WDR62: variants seen among roughly 807,000 people sequenced by gnomAD.
WDR62 encodes WD repeat-containing protein 62.
A neutral mutation model predicts 160.6 loss-of-function variants in WDR62; 112 were observed. The ratio of observed to expected loss-of-function variants is 0.70; its 90% CI spans 0.60 to 0.82. WDR62 has a LOEUF of 0.82. Ranked by LOEUF, WDR62 falls within the 40% of genes least tolerant of loss-of-function variation. The pLI is 0.00. For missense variants in WDR62, 1,819 were observed against 1,983.8 expected (o/e 0.92, Z 1.58); for synonymous variants, 792 against 815.1 (o/e 0.97, Z 0.48).
intron 11 of WDR62, among the ~76,000 whole-genome samples, chr19:36,084,380 G>T (rs1251094454): frequency 6.6e-6 from 1 of 152,066 alleles, no homozygotes; most frequent in East Asian, 1.9e-4. Flanking sequence ...GTAAACACCT[G>T]CCCCCCTAGA....
chr19:36,083,480 T>C (rs1191759411), intron 11 of WDR62, among the ~76,000 whole-genome samples: 3 of 152,178 alleles, frequency 2.0e-5, no homozygotes, highest in Non-Finnish European at 2.9e-5. Flanking sequence ...ATTTTGCCTA[T>C]AGAGTGTACA....
intron 23 of WDR62, 85 bp downstream of exon 23, chr19:36,100,960 C>G: frequency 6.3e-7 from 1 of 1,599,132 alleles, no homozygotes; most frequent in Non-Finnish European, 8.6e-7. Flanking sequence ...TCTCTGCCTT[C>G]CCAGTGGGCT....
intron 3 of WDR62, among the ~76,000 whole-genome samples, 157 bp from the exon 4 acceptor site, chr19:36,065,801 G>A (rs575493030): frequency 7.2e-5 from 11 of 152,350 alleles, no homozygotes; most frequent in Admixed American, 2.0e-4. Flanking sequence ...GCACACCAGC[G>A]GCACTGGCTC....
In WDR62 at chr19:36,084,713, G is replaced by T. The variant is rs1281481749; in HGVS notation, c.1611G>T (p.Val537=). 2 of 1,613,790 alleles carry T rather than the reference G, an allele frequency of 1.2e-6. No homozygotes were observed. The highest frequency in any genetic ancestry group is 4.5e-5 in the East Asian group (2 of 44,874). ...LVKVEAHDAE[V]LCLEYSKPET... is the part of the protein sequence containing the mutation. ...AGGTGGAGGCCCATGATGCTGAGGT[G>T]CTGTGCCTGGAGTACTCCAAGCCAG... Residue 537 remains valine, a synonymous_variant, in exon 12 of 32, where the codon GTG becomes GTT. Transcript: ENST00000401500.
Position 36,054,912 on chromosome 19 carries a change from C to G in WDR62, c.-60C>G. 1.3e-6 allele frequency: 2 copies of G among 1,539,822 alleles called. No individual in the cohort carries two copies. Among genetic ancestry groups the G allele is most frequent in the Admixed American group, 1.9e-5 (1 of 51,428 alleles). On this transcript the variant is annotated 5_prime_UTR_variant, in exon 1 of 32. Transcript: ENST00000401500. ...GCGGCTGTTCGCTGTTCCAGTGGGT[C>G]GTGGCGGTGGCGGCAGCGGCGGTTA...
At chr19:36,085,668 A>G (rs994657890) in intron 12 of WDR62, among the ~76,000 whole-genome samples, 1 of 151,936 alleles carries the variant, frequency 6.6e-6, no homozygotes, top group Non-Finnish European at 1.5e-5. Context: ...GAAGGCTAGG[A>G]CCATAGTAGG....
At chr19:36,064,584 T>TC (rs1970837219) in intron 3 of WDR62, among the ~76,000 whole-genome samples, 1 of 146,604 alleles carries the variant, frequency 6.8e-6, no homozygotes, top group Non-Finnish European at 1.5e-5. Flanking sequence ...CAGCCCCACT[T>TC]CTTTTTTTCT....
At chr19:36,084,818 A>AGTTGGTG (rs1972114905) in intron 12 of WDR62, 74 bp downstream of exon 12, 3 of 1,391,438 alleles carry the variant, frequency 2.2e-6, no homozygotes, top group Admixed American at 3.4e-5. Context: ...AGAAAGGGGT[A>AGTTGGTG]GTTGGTGTCT....
At chr19:36,073,895 CCTGCAACTGCTGGG>C (rs1971435089) in intron 9 of WDR62, 1 of 369,782 alleles carries the variant, frequency 2.7e-6, no homozygotes, top group Admixed American at 3.5e-5. Context: ...GGGAGTGAGA[CCTGCAACTGCTGGG>C]GAGAACCACA....
At chr19:36,056,548 G>C (rs1970381472) in intron 1 of WDR62, among the ~76,000 whole-genome samples, 1 of 152,138 alleles carries the variant, frequency 6.6e-6, no homozygotes. Context: ...ATCTTGAAAG[G>C]CCTTCTCGAA....
chr19:36,062,649 C>CAAAAAAAAAAAAAAAAAAAAAAA (rs1167386837), intron 3 of WDR62: 1 of 39,478 alleles, frequency 2.5e-5, no homozygotes, highest in African/African-American at 1.2e-4. Flanking sequence ...GAGTCCGTCT[C>CAAAAAAAAAAAAAAAAAAAAAAA]AAAAAAAAAA....
At position 36,094,014 on chromosome 19, in the gene WDR62, C is replaced by T; in HGVS notation, c.2334-17C>T. 1 of 1,613,484 alleles carries T rather than the reference C, an allele frequency of 6.2e-7. No homozygotes were observed. Among genetic ancestry groups the T allele is most frequent in the Non-Finnish European group, 8.5e-7 (1 of 1,179,864 alleles). On this transcript the variant is annotated splice_polypyrimidine_tract_variant and intron_variant, in intron 19 of 31. Transcript: ENST00000401500. ...TTGCCTGTATTCTCTCCTTACCATC[C>T]TCATTCCTGGCTTTAGGCAGGATAC...
intron 7 of WDR62, 65 bp downstream of exon 7, chr19:36,068,075 G>A: frequency 1.9e-6 from 3 of 1,552,882 alleles, no homozygotes; most frequent in Non-Finnish European, 2.6e-6. Context: ...CTGCAGGGGT[G>A]CTCATCAGCA....
intron 9 of WDR62, among the ~76,000 whole-genome samples, chr19:36,077,516 G>A (rs1268015493): frequency 1.3e-5 from 2 of 151,884 alleles, no homozygotes; most frequent in African/African-American, 2.4e-5. Flanking sequence ...TCCTGACCTC[G>A]TGATCCGCCC....
chr19:36,086,931 A>C, intron 13 of WDR62, 119 bp downstream of exon 13: 1 of 1,382,432 alleles, frequency 7.2e-7, no homozygotes, highest in Non-Finnish European at 9.9e-7. Context: ...ATCTGTGTAC[A>C]GTATACAGAA....
downstream of WDR62, among the ~76,000 whole-genome samples, chr19:36,108,195 C>T (rs939090470): frequency 2.0e-5 from 3 of 152,120 alleles, no homozygotes; most frequent in African/African-American, 7.2e-5. Context: ...TCCTGCAGGG[C>T]ACCCCATTGT....
intron 13 of WDR62, 53 bp from the exon 14 acceptor site, chr19:36,088,983 GTC>G: frequency 6.3e-7 from 1 of 1,597,022 alleles, no homozygotes; most frequent in Non-Finnish European, 8.6e-7. Context: ...CCCAGCTAGG[GTC>G]CCCTGCCCAT....
chr19:36,091,415 C>CAT lies in WDR62; in HGVS notation c.2161_2162dup (p.Met721IlefsTer2). On this transcript the variant is annotated frameshift_variant, in exon 18 of 32. Transcript: ENST00000401500. LOFTEE classifies it high-confidence loss of function. Reference sequence around the variant, plus strand: ...CTTTGTTTGCAGAAATTATTACCAGCATGAAGTTCACCTATGACTGTCATC... The same window carrying CAT: ...CTTTGTTTGCAGAAATTATTACCAGCATATGAAGTTCACCTATGACTGTCATC... The CAT allele has an allele frequency of 6.2e-7, 1 of 1,614,036 alleles. No individual in the cohort carries two copies. The highest frequency in any genetic ancestry group is 8.5e-7 in the Non-Finnish European group (1 of 1,179,984).
chr19:36,073,450 C>A lies in WDR62; in HGVS notation c.1152C>A (p.Tyr384Ter). The change falls in exon 9 of 32, where the codon TAC becomes TAA. Residue 384 changes from tyrosine to a stop codon, truncating the protein, a stop_gained. Transcript: ENST00000401500. LOFTEE classifies it high-confidence loss of function. ...LSCVYKDHSIYIWDVKDINRV... is the reference protein window; with the variant it reads ...LSCVYKDHSI ...GCGTGTATAAGGACCACAGCATCTACATCTGGGATGTCAAGGACATCAACA... is the reference window on the plus strand; with the variant it reads ...GCGTGTATAAGGACCACAGCATCTAAATCTGGGATGTCAAGGACATCAACA... 6.2e-7 allele frequency: 1 copy of A among 1,614,136 alleles called. No homozygotes were observed. Among genetic ancestry groups the A allele is most frequent in the Non-Finnish European group, 8.5e-7 (1 of 1,180,018 alleles).
Sources: allele counts gnomAD v4.1 joint callset (sites outside exome capture counted in the v4.1 genomes callset), GRCh38; gene constraint gnomAD v4.1.1; transcripts MANE v1.5; gene names NCBI Gene and HGNC (gene_info 2026-07-23, HGNC 2026-07-21).